The following CDON variants were observed in gnomAD, a reference collection of about 807,000 sequenced individuals.
CDON encodes cell adhesion molecule-related/down-regulated by oncogenes.
In CDON, 73 loss-of-function variants were observed where a neutral mutation model predicts 120.9. The ratio of observed to expected loss-of-function variants is 0.60; its 90% CI spans 0.50 to 0.73. The LOEUF is 0.73. CDON is among the 30% of genes least tolerant of loss of function. The pLI, the probability that CDON is intolerant of heterozygous loss-of-function variation, is 0.00. For synonymous variants in CDON, 566 were observed against 573.5 expected (o/e 0.99, Z 0.19); for missense variants, 1,470 against 1,587.3 (o/e 0.93, Z 1.26).
At chr11:126,033,880 T>G (rs1948018180) in intron 1 of CDON, among the ~76,000 whole-genome samples, 1 of 152,134 alleles carries the variant, frequency 6.6e-6, no homozygotes, top group Admixed American at 6.5e-5. Context: ...ACTTAAGAAT[T>G]TCTTAAAGCA....
At chr11:126,051,781 G>A (rs1382617638) in intron 1 of CDON, among the ~76,000 whole-genome samples, 5 of 151,420 alleles carry the variant, frequency 3.3e-5, no homozygotes, top group Admixed American at 6.6e-5. Context: ...CCGAGTAGCT[G>A]GGATTACAGG....
intron 1 of CDON, among the ~76,000 whole-genome samples, chr11:126,036,233 T>C (rs1010051451): frequency 6.6e-6 from 1 of 152,234 alleles, no homozygotes; most frequent in Non-Finnish European, 1.5e-5. Context: ...TATGATTACA[T>C]CTGATTTTTA....
At chr11:126,011,051 A>G (rs1002978131) in intron 7 of CDON, 8 of 365,938 alleles carry the variant, frequency 2.2e-5, no homozygotes, top group African/African-American at 4.2e-5. Context: ...AAATGTGTAA[A>G]TAAGTATAAA....
chr11:126,011,574 A>G (rs1219429803), intron 7 of CDON, among the ~76,000 whole-genome samples: 1 of 152,174 alleles, frequency 6.6e-6, no homozygotes, highest in Non-Finnish European at 1.5e-5. Context: ...TTGGGTCATG[A>G]ATCTTTTCTG....
At chr11:126,056,976 C>T (rs1224991006) in intron 1 of CDON, among the ~76,000 whole-genome samples, 1 of 152,182 alleles carries the variant, frequency 6.6e-6, no homozygotes, top group Non-Finnish European at 1.5e-5. Flanking sequence ...GTGTTGATTA[C>T]GGCATTTAGT....
chr11:125,966,137 CAAA>C (rs35651493), intron 18 of CDON, among the ~76,000 whole-genome samples: 2 of 120,366 alleles, frequency 1.7e-5, no homozygotes, highest in Non-Finnish European at 3.5e-5. Context: ...AATTCCATCT[CAAA>C]AAAAAAAAAA....
At chr11:125,978,236 G>T in intron 18 of CDON, 68 bp downstream of exon 18, 1 of 865,086 alleles carries the variant, frequency 1.2e-6, no homozygotes, top group Non-Finnish European at 1.9e-6. Flanking sequence ...TTTCTTTGCT[G>T]AAGGGAAAAA....
At chr11:126,033,227 C>T (rs1169138031) in intron 1 of CDON, among the ~76,000 whole-genome samples, 2 of 152,114 alleles carry the variant, frequency 1.3e-5, no homozygotes, top group African/African-American at 4.8e-5. Flanking sequence ...CTTCTGTGGT[C>T]TGCTGCTGCT....
intron 1 of CDON, among the ~76,000 whole-genome samples, chr11:126,054,242 G>A (rs77017895): frequency 0.047 from 7,228 of 152,210 alleles, 539 homozygotes; most frequent in African/African-American, 0.16. Flanking sequence ...TCCTGAATAT[G>A]TTTTTTAGTA....
In CDON at chr11:126,010,510, C is replaced by T. The variant is rs1555125515; in HGVS notation, c.1383G>A (p.Gln461=). 6.2e-7 allele frequency: 1 copy of T among 1,614,114 alleles called. No individual in the cohort carries two copies. The highest frequency in any genetic ancestry group is 8.5e-7 in the Non-Finnish European group (1 of 1,180,008). Residue 461 remains glutamine, a synonymous_variant, in exon 8 of 20, where the codon CAG becomes CAA. Coordinates refer to ENST00000531738, the MANE Select transcript of CDON (RefSeq NM_001378964.1). ...QVLRSKSRKS[Q]LSRPEGLNLE... ...GGTTCAAGCCCTCAGGTCTTGATAACTGTGATTTTCGGGATTTCGATCTCA... is the reference window on the plus strand; with the variant it reads ...GGTTCAAGCCCTCAGGTCTTGATAATTGTGATTTTCGGGATTTCGATCTCA...
At chr11:125,986,755 G>A (rs1423904373) in intron 15 of CDON, among the ~76,000 whole-genome samples, 2 of 142,600 alleles carry the variant, frequency 1.4e-5, no homozygotes, top group African/African-American at 5.6e-5. Context: ...GACAGAGTGA[G>A]ACTCCATCTC....
chr11:126,022,361 A>C (rs1947667790), intron 2 of CDON, among the ~76,000 whole-genome samples: 1 of 152,206 alleles, frequency 6.6e-6, no homozygotes, highest in Admixed American at 6.5e-5. Context: ...ATAGAAAGCT[A>C]GGAAGCCACA....
chr11:125,956,847 T>C lies in CDON; in HGVS notation c.*4095A>G. The C allele has an allele frequency of 1.0e-6, 1 of 986,672 alleles. No homozygotes were observed. The highest frequency in any genetic ancestry group is 1.2e-6 in the Non-Finnish European group (1 of 830,810). The allele number at this position is 986,672 out of a possible 1,614,324, so 61.1% of individuals were successfully genotyped here. On this transcript the variant is annotated 3_prime_UTR_variant, in exon 20 of 20. Transcript: ENST00000531738. ...GTGGTTCTCACAGAGTTAGACTTTA[T>C]TAGATAAGGGGTTTCGGCTACCCTC... is the stretch of plus-strand genomic sequence containing the variant.
intron 18 of CDON, among the ~76,000 whole-genome samples, chr11:125,973,555 C>T (rs967213530): frequency 3.3e-5 from 5 of 152,072 alleles, no homozygotes; most frequent in Non-Finnish European, 2.9e-5. Flanking sequence ...AAAACAAAAA[C>T]GAATTCCTGC....
At chr11:126,053,392 G>A (rs1435969495) in intron 1 of CDON, among the ~76,000 whole-genome samples, 2 of 152,138 alleles carry the variant, frequency 1.3e-5, no homozygotes, top group Non-Finnish European at 2.9e-5. Context: ...ACACCAAACC[G>A]AAATCCTGAT....
At chr11:126,048,270 G>A (rs1163436436) in intron 1 of CDON, among the ~76,000 whole-genome samples, 1 of 135,610 alleles carries the variant, frequency 7.4e-6, no homozygotes, top group Non-Finnish European at 1.5e-5. Flanking sequence ...GCAACAGAGT[G>A]AGACTCTGTC....
Position 126,021,535 on chromosome 11 carries a change from T to A in CDON, c.77-15A>T. ...AGGTGCCAAGTCTACAAGGGAATAT[T>A]CCCCATATGCAAAGAAAGCAGGGGA... On this transcript the variant is annotated splice_polypyrimidine_tract_variant and intron_variant, in intron 2 of 19. Coordinates refer to ENST00000531738, the MANE Select transcript of CDON (RefSeq NM_001378964.1). 6.2e-7 allele frequency: 1 copy of A among 1,612,408 alleles called. No individual in the cohort carries two copies. Among genetic ancestry groups the A allele is most frequent in the Non-Finnish European group, 8.5e-7 (1 of 1,178,804 alleles).
At chr11:126,038,232 T>C (rs780891774) in intron 1 of CDON, among the ~76,000 whole-genome samples, 4 of 152,220 alleles carry the variant, frequency 2.6e-5, no homozygotes, top group Non-Finnish European at 5.9e-5. Flanking sequence ...CAACTTTACT[T>C]TGTGAACGTC....
chr11:126,008,254 C>T (rs1286758385), intron 8 of CDON, among the ~76,000 whole-genome samples: 1 of 152,160 alleles, frequency 6.6e-6, no homozygotes, highest in Admixed American at 6.5e-5. Flanking sequence ...ACCTAGCTTG[C>T]TCTCCCCTTT....
Sources: allele counts gnomAD v4.1 joint callset (sites outside exome capture counted in the v4.1 genomes callset), GRCh38; gene constraint gnomAD v4.1.1; transcripts MANE v1.5; gene names NCBI Gene and HGNC (gene_info 2026-07-23, HGNC 2026-07-21).